Variants in TEX15 observed in about 807,000 individuals in gnomAD.
TEX15 encodes the protein testis-expressed protein 15.
TEX15 carries 171 observed loss-of-function variants against 237.3 expected under a neutral mutation model. That is an observed-to-expected ratio of 0.72 (90% CI 0.64 to 0.82). The LOEUF (loss-of-function observed/expected upper bound fraction) is 0.82. TEX15 is among the 40% of genes least tolerant of loss of function. The probability of loss-of-function intolerance (pLI) is 0.00; values close to 1 mark genes in which losing one functional copy is unlikely to be tolerated. For synonymous variants in TEX15, 1,338 were observed against 1,269.8 expected, an observed-to-expected ratio of 1.05 and a Z score of -1.14; for missense variants, 3,750 against 3,646.5, an observed-to-expected ratio of 1.03 and a Z score of -0.73.
Position 30,847,593 on chromosome 8 carries a change from T to C in TEX15, c.2574A>G (p.Gln858=), listed in dbSNP as rs562233618. The part of the protein sequence containing the change: ...DIWLNVNFKK[Q]TDRENQNEAK... ...CCTCATTTTGGTTTTCTCTATCTGT[T>C]TGTTTTTTGAAATTAACATTCAGCC... The change falls in exon 8 of 11, where the codon CAA becomes CAG. Residue 858 remains glutamine (Q), a synonymous_variant. Coordinates refer to ENST00000643185, the MANE Select transcript of TEX15 (RefSeq NM_001350162.2). 6.2e-7 allele frequency: 1 copy of C among 1,612,694 alleles called. No individual in the cohort carries two copies. Among genetic ancestry groups the C allele is most frequent in the African/African-American group, 1.3e-5 (1 of 74,944 alleles).
At chr8:30,899,959 T>G (rs972544262) in intron 1 of TEX15, among the ~76,000 whole-genome samples, 1 of 152,206 alleles carries the variant, frequency 6.6e-6, no homozygotes, top group Non-Finnish European at 1.5e-5. Context: ...AATTAATATA[T>G]TTAAAATGCT....
At chr8:30,870,954 T>A (rs943589440) in intron 4 of TEX15, among the ~76,000 whole-genome samples, 1 of 152,058 alleles carries the variant, frequency 6.6e-6, no homozygotes, top group Non-Finnish European at 1.5e-5. Flanking sequence ...CAGAACTGAA[T>A]TACCAGCAAG....
intron 9 of TEX15, among the ~76,000 whole-genome samples, chr8:30,838,773 CATATATATATATATATAT>C (rs34610592): frequency 0.03 from 1,949 of 65,466 alleles, 68 homozygotes; most frequent in African/African-American, 0.063. Flanking sequence ...TATATAAAAA[CATATATATATATATATAT>C]ATATATATAT....
chr8:30,911,588 C>T (rs1290257898), intron 1 of TEX15, among the ~76,000 whole-genome samples: 1 of 152,218 alleles, frequency 6.6e-6, no homozygotes, highest in Non-Finnish European at 1.5e-5. Context: ...CCATCACCCC[C>T]AAAAGCAATC....
chr8:30,858,954 G>T, intron 6 of TEX15, 124 bp from the exon 7 acceptor site: 1 of 629,410 alleles, frequency 1.6e-6, no homozygotes, highest in Non-Finnish European at 2.4e-6. Flanking sequence ...TTCTCCAGCT[G>T]CCTTGTTTAA....
At chr8:30,897,189 G>GCT (rs1282513190) in intron 2 of TEX15, among the ~76,000 whole-genome samples, 1 of 152,170 alleles carries the variant, frequency 6.6e-6, no homozygotes, top group African/African-American at 2.4e-5. Context: ...CTAGATGTCT[G>GCT]CTCCTAAGCT....
At chr8:30,905,144 A>G (rs1809075062) in intron 1 of TEX15, among the ~76,000 whole-genome samples, 1 of 152,124 alleles carries the variant, frequency 6.6e-6, no homozygotes, top group African/African-American at 2.4e-5. Flanking sequence ...ACCTGACTTT[A>G]GTAACAAACA....
At chr8:30,853,233 T>C (rs1012778190) in intron 7 of TEX15, among the ~76,000 whole-genome samples, 1 of 152,188 alleles carries the variant, frequency 6.6e-6, no homozygotes, top group African/African-American at 2.4e-5. Context: ...ACAGAACAAC[T>C]AGGTAAAATC....
In TEX15 at chr8:30,845,375, T is replaced by G; in HGVS notation, c.4792A>C (p.Lys1598Gln). 1 of 1,611,570 alleles carries G rather than the reference T, an allele frequency of 6.2e-7. No homozygotes were observed. The highest frequency in any genetic ancestry group is 1.7e-4 in the Middle Eastern group (1 of 6,046). ...CAACTGTTTTCTTTAGTTGCATCTT[T>G]AACATTATGATTTGCTGAATGTTTT... ...LEKHSANHNVKDATKENSCDA... is the reference protein window; with the variant it reads ...LEKHSANHNVQDATKENSCDA... The change falls in exon 8 of 11, where the codon AAA becomes CAA. Residue 1598 changes from lysine to glutamine, a missense_variant. Transcript: ENST00000643185.
intron 7 of TEX15, among the ~76,000 whole-genome samples, chr8:30,856,096 G>A (rs1807905771): frequency 1.3e-5 from 2 of 151,968 alleles, no homozygotes. Flanking sequence ...TAGGCGCCTG[G>A]CACCATGCCC....
intron 6 of TEX15, 99 bp from the exon 7 acceptor site, chr8:30,858,929 T>C (rs1807975246): frequency 3.9e-6 from 3 of 773,124 alleles, no homozygotes; most frequent in South Asian, 2.7e-5. Context: ...ATTATTTATA[T>C]ACTTCCATAT....
chr8:30,887,018 TGGAAA>T, intron 3 of TEX15, 144 bp downstream of exon 3: 1 of 606,032 alleles, frequency 1.7e-6, no homozygotes, highest in Non-Finnish European at 2.6e-6. Context: ...CTATTTTGAG[TGGAAA>T]CATAAGTACA....
intron 2 of TEX15, among the ~76,000 whole-genome samples, chr8:30,893,907 TAG>T (rs1414236024): frequency 2.8e-5 from 3 of 108,590 alleles, no homozygotes; most frequent in Non-Finnish European, 4.8e-5. Context: ...TTCCTTAGTA[TAG>T]AACTTCTTTT....
Position 30,845,690 on chromosome 8 carries a change from C to G in TEX15, c.4477G>C (p.Ala1493Pro). ...GGGTGACTTTTTGAGACACTGCTAG[C>G]CATACTTTTCCTAGAAAGGCATTTT... ...EKKCLSRKSMASSVSKSHPTT... is the reference protein window; with the variant it reads ...EKKCLSRKSMPSSVSKSHPTT... The change falls in exon 8 of 11, where the codon GCT (alanine) becomes CCT (proline). Residue 1493 changes from alanine (A) to proline (P), a missense_variant. Transcript: ENST00000643185. 1 of 1,613,540 alleles carries G rather than the reference C, an allele frequency of 6.2e-7. No individual in the cohort carries two copies. Among genetic ancestry groups the G allele is most frequent in the South Asian group, 1.1e-5 (1 of 91,060 alleles).
intron 2 of TEX15, among the ~76,000 whole-genome samples, chr8:30,889,001 G>A (rs1307176170): frequency 6.6e-6 from 1 of 152,140 alleles, no homozygotes; most frequent in African/African-American, 2.4e-5. Flanking sequence ...TGTTCACCTC[G>A]CAGTTTAGTA....
intron 2 of TEX15, among the ~76,000 whole-genome samples, chr8:30,895,297 C>CAAAAAAA (rs34514049): frequency 5.0e-5 from 3 of 60,486 alleles, no homozygotes; most frequent in Admixed American, 1.8e-4. Flanking sequence ...GACTCCATCT[C>CAAAAAAA]AAAAAAAAAA....
Position 30,837,296 on chromosome 8 carries a change from AAG to A in TEX15, c.8986_8987del (p.Leu2996PhefsTer2), listed in dbSNP as rs941150626. The A allele has an allele frequency of 6.2e-7, 1 of 1,614,170 alleles. No individual in the cohort carries two copies. Among genetic ancestry groups the A allele is most frequent in the South Asian group, 1.1e-5 (1 of 91,084 alleles). Reference protein sequence around the residue: ...LNVNQGAEYSLSEQQNDKNSK... With the variant: ...LNVNQGAEYSXSEQQNDKNSK... ...AATTTTTGTCATTCTGTTGTTCAGAAAGAGAGTACTCTGCTCCTTGATTCACA... is the reference window on the plus strand; with the variant it reads ...AATTTTTGTCATTCTGTTGTTCAGAAAGAGTACTCTGCTCCTTGATTCACA... On this transcript the variant is annotated frameshift_variant, in exon 10 of 11. Coordinates refer to ENST00000643185, the MANE Select transcript of TEX15 (RefSeq NM_001350162.2). LOFTEE classifies it high-confidence loss of function.
At chr8:30,907,649 T>C (rs1323234828) in intron 1 of TEX15, among the ~76,000 whole-genome samples, 1 of 142,988 alleles carries the variant, frequency 7.0e-6, no homozygotes, top group Admixed American at 7.2e-5. Flanking sequence ...CTAATTTATA[T>C]ATTATATATA....
intron 7 of TEX15, among the ~76,000 whole-genome samples, chr8:30,855,318 A>G (rs987305737): frequency 6.6e-6 from 1 of 152,116 alleles, no homozygotes; most frequent in African/African-American, 2.4e-5. Context: ...CTAATAAAAT[A>G]AATAATTCCA....
Sources: allele counts gnomAD v4.1 joint callset (sites outside exome capture counted in the v4.1 genomes callset), GRCh38; gene constraint gnomAD v4.1.1; transcripts MANE v1.5; gene names NCBI Gene and HGNC (gene_info 2026-07-23, HGNC 2026-07-21).